The following GRAMD1C variants were observed in gnomAD, a reference collection of about 807,000 sequenced individuals.
GRAMD1C encodes the protein GRAM domain containing 1C, also known as protein Aster-C.
A neutral mutation model predicts 97.8 loss-of-function variants in GRAMD1C; 89 were observed. The ratio of observed to expected loss-of-function variants is 0.91; its 90% CI spans 0.77 to 1.09. The LOEUF is 1.09. Among genes scored for constraint, GRAMD1C ranks in the 50% least tolerant of loss-of-function variants. GRAMD1C has a pLI of 0.00. For missense variants in GRAMD1C, 740 were observed against 766.4 expected, an observed-to-expected ratio of 0.97 and a Z score of 0.41; for synonymous variants, 256 against 267.0, an observed-to-expected ratio of 0.96 and a Z score of 0.40.
At chr3:113,911,440 T>G (rs576655154) in intron 9 of GRAMD1C, among the ~76,000 whole-genome samples, 1 of 151,946 alleles carries the variant, frequency 6.6e-6, no homozygotes, top group African/African-American at 2.4e-5. Flanking sequence ...AACAAGGGGT[T>G]TCCTCATGTT....
At chr3:113,877,116 G>C (rs2107387810) in intron 5 of GRAMD1C, among the ~76,000 whole-genome samples, 1 of 152,194 alleles carries the variant, frequency 6.6e-6, no homozygotes, top group Non-Finnish European at 1.5e-5. Context: ...CAAGTAGCTG[G>C]GACTTCTGGT....
Position 113,947,122 on chromosome 3 carries a change from A to G in GRAMD1C, c.*1644A>G, listed in dbSNP as rs1938133225. 1 of 152,264 alleles carries G rather than the reference A, an allele frequency of 6.6e-6. No homozygotes were observed. The highest frequency in any genetic ancestry group is 1.5e-5 in the Non-Finnish European group (1 of 68,050). 9.4% of individuals were successfully genotyped at this position (152,264 alleles called of 1,614,324 possible). On this transcript the variant is annotated 3_prime_UTR_variant, in exon 18 of 18. Transcript: ENST00000358160. ...CGTATGGATGCAGAATTCAATTAAT[A>G]AAATTTGAGCCTGTTACGTAAATTG...
At chr3:113,908,183 A>G (rs1433000479) in intron 8 of GRAMD1C, among the ~76,000 whole-genome samples, 3 of 152,202 alleles carry the variant, frequency 2.0e-5, no homozygotes, top group African/African-American at 7.2e-5. Flanking sequence ...AAAATGCAAG[A>G]AAATATTCTG....
At chr3:113,923,325 G>A (rs181722566) in intron 10 of GRAMD1C, among the ~76,000 whole-genome samples, 35 of 152,182 alleles carry the variant, frequency 2.3e-4, no homozygotes, top group Admixed American at 1.6e-3. Flanking sequence ...TGGTGAGAGC[G>A]GGCATCCTTG....
At chr3:113,938,232 A>G (rs1279020814) in intron 15 of GRAMD1C, 89 bp downstream of exon 15, 2 of 608,320 alleles carry the variant, frequency 3.3e-6, no homozygotes, top group African/African-American at 1.9e-5. Context: ...TTTGTATATT[A>G]TTGTGTAGAA....
chr3:113,943,945 A>G (rs1189170583), intron 17 of GRAMD1C, among the ~76,000 whole-genome samples: 1 of 152,032 alleles, frequency 6.6e-6, no homozygotes, highest in Non-Finnish European at 1.5e-5. Flanking sequence ...AAATAAAAAT[A>G]TCTCCTCTGC....
chr3:113,930,949 A>G, intron 11 of GRAMD1C, 117 bp downstream of exon 11: 2 of 623,286 alleles, frequency 3.2e-6, no homozygotes, highest in Admixed American at 5.3e-5. Flanking sequence ...GAAAAAAGGG[A>G]GGAGAAACTG....
intron 2 of GRAMD1C, among the ~76,000 whole-genome samples, chr3:113,855,078 G>A (rs987962481): frequency 4.6e-5 from 7 of 151,994 alleles, no homozygotes; most frequent in African/African-American, 1.2e-4. Context: ...TTGGGGGGCC[G>A]AGGTGGGCAG....
chr3:113,905,704 T>TC (rs1207417510), intron 8 of GRAMD1C, among the ~76,000 whole-genome samples: 2 of 152,118 alleles, frequency 1.3e-5, no homozygotes, highest in African/African-American at 4.8e-5. Context: ...ATAACTTTTT[T>TC]TTTTTTTTGA....
chr3:113,925,896 C>G (rs1224384676), intron 10 of GRAMD1C, among the ~76,000 whole-genome samples: 1 of 152,210 alleles, frequency 6.6e-6, no homozygotes, highest in Non-Finnish European at 1.5e-5. Context: ...TATAGGCCCT[C>G]AAGCCCTCAA....
intron 1 of GRAMD1C, among the ~76,000 whole-genome samples, chr3:113,828,470 G>A (rs1172989891): frequency 6.6e-6 from 1 of 152,160 alleles, no homozygotes; most frequent in African/African-American, 2.4e-5. Flanking sequence ...TAAGGTTTTG[G>A]GTGATTTGTC....
chr3:113,930,749 G>C lies in GRAMD1C; in HGVS notation c.1126G>C (p.Gly376Arg). 6.2e-7 allele frequency: 1 copy of C among 1,609,926 alleles called. No homozygotes were observed. Among genetic ancestry groups the C allele is most frequent in the Non-Finnish European group, 8.5e-7 (1 of 1,176,360 alleles). Reference protein sequence around the residue: ...VSTPWTAELGGDQLRTMTYTI... With the variant: ...VSTPWTAELGRDQLRTMTYTI... Reference sequence around the variant, plus strand: ...TACCCCTTGGACTGCAGAACTTGGAGGTGATCAGCTGAGAACGATGACCTA... The same window carrying C: ...TACCCCTTGGACTGCAGAACTTGGACGTGATCAGCTGAGAACGATGACCTA... Residue 376 changes from glycine (G) to arginine (R), a missense_variant, in exon 11 of 18, where the codon GGT becomes CGT. Coordinates refer to ENST00000358160, the MANE Select transcript of GRAMD1C (RefSeq NM_017577.5).
chr3:113,939,714 C>A (rs754601864), intron 15 of GRAMD1C, 172 bp from the exon 16 acceptor site: 42 of 518,394 alleles, frequency 8.1e-5, no homozygotes, highest in Non-Finnish European at 1.1e-4. Flanking sequence ...CCACTTAATA[C>A]TTACAAGTAA....
intron 11 of GRAMD1C, 57 bp downstream of exon 11, chr3:113,930,889 C>T: frequency 1.2e-6 from 1 of 857,176 alleles, no homozygotes; most frequent in Non-Finnish European, 1.9e-6. Flanking sequence ...AGAGAAGATG[C>T]CTATTATAGT....
intron 10 of GRAMD1C, among the ~76,000 whole-genome samples, chr3:113,929,229 T>G (rs1172427063): frequency 6.6e-6 from 1 of 152,254 alleles, no homozygotes; most frequent in East Asian, 1.9e-4. Context: ...AGTTCCTGCC[T>G]TTTATATATC....
chr3:113,878,270 T>C (rs541222041), intron 5 of GRAMD1C, among the ~76,000 whole-genome samples: 27 of 152,220 alleles, frequency 1.8e-4, no homozygotes, highest in Non-Finnish European at 3.2e-4. Flanking sequence ...CCCTTCAAGC[T>C]GGCTCCAGTA....
intron 6 of GRAMD1C, chr3:113,885,287 G>T (rs370272250): frequency 6.8e-7 from 1 of 1,473,976 alleles, no homozygotes. Flanking sequence ...GGCGGTGCCG[G>T]GGTCATCCGG....
intron 8 of GRAMD1C, among the ~76,000 whole-genome samples, chr3:113,906,520 A>G (rs971626389): frequency 3.3e-5 from 5 of 152,148 alleles, no homozygotes; most frequent in Non-Finnish European, 7.3e-5. Context: ...GAAAGAAAAT[A>G]TTTTTGTACA....
chr3:113,890,757 CAT>C (rs1251031631), intron 6 of GRAMD1C: 4 of 699,986 alleles, frequency 5.7e-6, no homozygotes, highest in East Asian at 5.4e-5. Flanking sequence ...TTATCACACA[CAT>C]GTGAGTTGGG....
Sources: gnomAD v4.1 joint callset for allele counts (sites outside exome capture counted in the v4.1 genomes callset) on GRCh38, gnomAD v4.1.1 for gene constraint, MANE v1.5 for transcripts, NCBI Gene and HGNC (gene_info 2026-07-23, HGNC 2026-07-21) for gene names.